The following TMEM45A variants were observed in gnomAD, a reference collection of about 807,000 sequenced individuals.
The protein encoded by TMEM45A is DNA polymerase-transactivated protein 4.
In TMEM45A, 25 loss-of-function variants were observed where a neutral mutation model predicts 32.0. The ratio of observed to expected loss-of-function variants is 0.78; its 90% CI spans 0.57 to 1.09. The LOEUF is 1.09. Among genes scored for constraint, TMEM45A ranks in the 50% least tolerant of loss-of-function variants. The pLI is 0.00. For missense variants in TMEM45A, 302 were observed against 325.0 expected, an observed-to-expected ratio of 0.93 and a Z score of 0.54; for synonymous variants, 122 against 114.8, an observed-to-expected ratio of 1.06 and a Z score of -0.40.
chr3:100,551,212 G>C (rs952138816), intron 1 of TMEM45A, among the ~76,000 whole-genome samples: 3 of 151,784 alleles, frequency 2.0e-5, no homozygotes, highest in African/African-American at 7.3e-5. Flanking sequence ...ACGGGGTTTC[G>C]CCGTGTCAGC....
chr3:100,519,534 T>C, intron 1 of TMEM45A: 1 of 1,550,634 alleles, frequency 6.4e-7, no homozygotes, highest in Non-Finnish European at 8.7e-7. Flanking sequence ...CTGCCACAGT[T>C]CTAACGTGCC....
chr3:100,549,913 G>T (rs547316363), intron 1 of TMEM45A, among the ~76,000 whole-genome samples: 1 of 151,538 alleles, frequency 6.6e-6, no homozygotes, highest in Non-Finnish European at 1.5e-5. Context: ...ATTTTTTATG[G>T]CTGCATAGTA....
intron 1 of TMEM45A, among the ~76,000 whole-genome samples, chr3:100,526,161 A>C (rs774543176): frequency 6.6e-6 from 1 of 152,136 alleles, no homozygotes; most frequent in African/African-American, 2.4e-5. Flanking sequence ...AGCCCGTGTA[A>C]CTTCCCTGAT....
intron 1 of TMEM45A, among the ~76,000 whole-genome samples, chr3:100,503,302 A>T (rs1708033122): frequency 6.6e-6 from 1 of 151,940 alleles, no homozygotes; most frequent in African/African-American, 2.4e-5. Context: ...GATGAGGTTC[A>T]CTATGTTGGC....
chr3:100,554,464 G>A (rs1278221889), intron 1 of TMEM45A, among the ~76,000 whole-genome samples: 1 of 152,202 alleles, frequency 6.6e-6, no homozygotes, highest in East Asian at 1.9e-4. Flanking sequence ...AGGTAAAGGA[G>A]TTGTGTAGAC....
At chr3:100,548,915 T>C (rs1466260362) in intron 1 of TMEM45A, among the ~76,000 whole-genome samples, 2 of 152,192 alleles carry the variant, frequency 1.3e-5, no homozygotes, top group African/African-American at 2.4e-5. Flanking sequence ...ACTTCAACCC[T>C]GTGGCGATCT....
chr3:100,553,853 G>T (rs950080566), intron 1 of TMEM45A, among the ~76,000 whole-genome samples: 7 of 152,182 alleles, frequency 4.6e-5, no homozygotes, highest in Admixed American at 4.6e-4. Flanking sequence ...TGAAATGACT[G>T]CCTGGGGTCA....
intron 1 of TMEM45A, among the ~76,000 whole-genome samples, chr3:100,544,078 GT>G (rs1192475355): frequency 0.014 from 2,003 of 143,204 alleles, 32 homozygotes; most frequent in African/African-American, 0.035. Context: ...GTTTTAAGTG[GT>G]TTTTTTTTTT....
intron 1 of TMEM45A, among the ~76,000 whole-genome samples, chr3:100,545,319 G>A (rs1162710430): frequency 6.6e-6 from 1 of 152,178 alleles, no homozygotes; most frequent in Non-Finnish European, 1.5e-5. Context: ...TCTGATGTGA[G>A]TAGGGAATCT....
At chr3:100,495,196 A>G (rs1707905609) in intron 1 of TMEM45A, among the ~76,000 whole-genome samples, 1 of 152,224 alleles carries the variant, frequency 6.6e-6, no homozygotes. Context: ...AGTGAGGTAG[A>G]ATTGATCTTC....
At chr3:100,549,733 T>C (rs1706054271) in intron 1 of TMEM45A, among the ~76,000 whole-genome samples, 1 of 152,204 alleles carries the variant, frequency 6.6e-6, no homozygotes, top group South Asian at 2.1e-4. Flanking sequence ...AGAGCCATTA[T>C]AAATCCTTAA....
rs1055928848 is a variant in TMEM45A at position 100,521,783 on chromosome 3, G to C, written c.-4+28855G>C. On this transcript the variant is annotated intron_variant, in intron 1 of 5. Transcript: ENST00000323523. ...GTTCTGATGTCTGATCAAGTGGCCA[G>C]AGCCTCCTTGCCACATTCAGCTCCT... 3.3e-5 allele frequency among the ~76,000 whole-genome samples: 5 copies of C among 152,346 alleles called. No individual in the cohort carries two copies. In the South Asian group the frequency reaches 1.0e-3, roughly 32 times the overall value.
intron 5 of TMEM45A, chr3:100,572,528 A>C (rs1274778016): frequency 2.0e-5 from 3 of 151,078 alleles, no homozygotes; most frequent in East Asian, 1.9e-4. Flanking sequence ...AGGTTGTGAA[A>C]ATTTTCTCCC....
intron 5 of TMEM45A, among the ~76,000 whole-genome samples, chr3:100,574,882 T>C (rs901571400): frequency 2.0e-5 from 3 of 152,238 alleles, no homozygotes; most frequent in African/African-American, 7.2e-5. Context: ...GTCATATTGT[T>C]CTTGAAAAGA....
intron 5 of TMEM45A, chr3:100,574,394 A>G (rs1021141035): frequency 6.6e-6 from 1 of 152,244 alleles, no homozygotes; most frequent in Non-Finnish European, 1.5e-5. Context: ...AAACTAGAAA[A>G]TCCTGAAGAA....
At chr3:100,522,382 T>C (rs1020393237) in intron 1 of TMEM45A, among the ~76,000 whole-genome samples, 1 of 152,208 alleles carries the variant, frequency 6.6e-6, no homozygotes, top group Non-Finnish European at 1.5e-5. Flanking sequence ...TTGTTATTTA[T>C]TTTCAATGGT....
chr3:100,562,222 G>T (rs1305667925), intron 4 of TMEM45A, among the ~76,000 whole-genome samples: 1 of 151,188 alleles, frequency 6.6e-6, no homozygotes, highest in African/African-American at 2.4e-5. Flanking sequence ...GCAGATTGAG[G>T]TTTTTTTTTG....
At chr3:100,571,624 G>C (rs1232516672) in intron 5 of TMEM45A, 1 of 151,964 alleles carries the variant, frequency 6.6e-6, no homozygotes, top group African/African-American at 2.4e-5. Flanking sequence ...TATACTTTAA[G>C]TTTTAGGGTA....
chr3:100,493,617 G>A (rs1372662590), intron 1 of TMEM45A, among the ~76,000 whole-genome samples: 3 of 151,508 alleles, frequency 2.0e-5, no homozygotes, highest in Non-Finnish European at 4.4e-5. Context: ...GCACTATATA[G>A]TATGGTATAT....
Sources: allele counts gnomAD v4.1 joint callset (sites outside exome capture counted in the v4.1 genomes callset), GRCh38; gene constraint gnomAD v4.1.1; transcripts MANE v1.5; gene names NCBI Gene and HGNC (gene_info 2026-07-23, HGNC 2026-07-21).